The following FAM184A variants were observed in gnomAD, a reference collection of about 807,000 sequenced individuals.
FAM184A encodes the protein protein FAM184A.
A neutral mutation model predicts 143.8 loss-of-function variants in FAM184A; 99 were observed. The observed-to-expected ratio is 0.69, with a 90% CI of 0.58 to 0.81. The LOEUF is 0.81. Among genes scored for constraint, FAM184A ranks in the 40% least tolerant of loss-of-function variants. FAM184A has a pLI of 0.00. For missense variants in FAM184A, 1,217 were observed against 1,310.5 expected, an observed-to-expected ratio of 0.93 and a Z score of 1.10; for synonymous variants, 427 against 446.4, an observed-to-expected ratio of 0.96 and a Z score of 0.55.
chr6:119,131,217 C>A (rs1344076327), intron 1 of FAM184A, among the ~76,000 whole-genome samples: 1 of 152,102 alleles, frequency 6.6e-6, no homozygotes, highest in Non-Finnish European at 1.5e-5. Context: ...GGAAATGGCC[C>A]TTTACTTCCT....
intron 16 of FAM184A, chr6:118,962,259 G>T: frequency 5.8e-6 from 2 of 342,416 alleles, no homozygotes; most frequent in South Asian, 7.2e-5. Context: ...AAGGGGTAAA[G>T]AATACCCTTT....
intron 9 of FAM184A, among the ~76,000 whole-genome samples, chr6:118,992,788 G>A (rs1784419370): frequency 6.6e-6 from 1 of 152,100 alleles, no homozygotes; most frequent in Non-Finnish European, 1.5e-5. Flanking sequence ...AAAATTAGCT[G>A]GCATAGTGGC....
At chr6:119,064,268 A>G (rs1270214133) in intron 1 of FAM184A, among the ~76,000 whole-genome samples, 6 of 152,200 alleles carry the variant, frequency 3.9e-5, no homozygotes, top group Non-Finnish European at 7.3e-5. Flanking sequence ...TTCTCTTAAA[A>G]TGCAGTTCTT....
chr6:118,975,273 G>T, intron 12 of FAM184A, 65 bp from the exon 13 acceptor site: 3 of 1,182,610 alleles, frequency 2.5e-6, no homozygotes, highest in Non-Finnish European at 3.5e-6. Context: ...TTTATCTGCG[G>T]GAAAGAAAAT....
intron 1 of FAM184A, among the ~76,000 whole-genome samples, chr6:119,046,139 G>T (rs1380164680): frequency 1.3e-5 from 2 of 151,806 alleles, no homozygotes; most frequent in Admixed American, 1.3e-4. Flanking sequence ...TATAGGGAAT[G>T]AAATACAAAG....
chr6:119,072,438 T>TA (rs1332129621), intron 1 of FAM184A, among the ~76,000 whole-genome samples: 2 of 152,238 alleles, frequency 1.3e-5, no homozygotes, highest in Non-Finnish European at 2.9e-5. Context: ...TGAGGCCACT[T>TA]ACCATTCTTG....
At chr6:119,055,931 T>TC (rs112348881) in intron 1 of FAM184A, among the ~76,000 whole-genome samples, 9,475 of 152,114 alleles carry the variant, frequency 0.062, 445 homozygotes, top group African/African-American at 0.13. Flanking sequence ...ATATCTCTGC[T>TC]CCCCATCTTG....
intron 1 of FAM184A, among the ~76,000 whole-genome samples, chr6:119,045,950 G>T (rs1399319959): frequency 6.6e-6 from 1 of 152,044 alleles, no homozygotes; most frequent in Non-Finnish European, 1.5e-5. Context: ...TGATGCTTAG[G>T]AAAAGTATAT....
intron 1 of FAM184A, among the ~76,000 whole-genome samples, chr6:119,029,020 G>A (rs1785770634): frequency 6.6e-6 from 1 of 152,152 alleles, no homozygotes; most frequent in Non-Finnish European, 1.5e-5. Flanking sequence ...AGGAAAACCT[G>A]TTTTTTCCTA....
chr6:119,039,425 G>A (rs1786235407), intron 1 of FAM184A, among the ~76,000 whole-genome samples: 1 of 152,148 alleles, frequency 6.6e-6, no homozygotes, highest in Non-Finnish European at 1.5e-5. Flanking sequence ...TCCAGACGAT[G>A]GAATATTATT....
Position 118,994,685 on chromosome 6 carries a change from C to CAAAATAAATAAA in FAM184A, c.2088+8213_2088+8214insTTTATTTATTTT, listed in dbSNP as rs1216975902. 1.6e-4 allele frequency among the ~76,000 whole-genome samples: 22 copies of CAAAATAAATAAA among 137,680 alleles called. 1 individual carries two copies. Among genetic ancestry groups the CAAAATAAATAAA allele is most frequent in the African/African-American group, 4.4e-4 (16 of 36,732 alleles). The allele number at this position is 137,680 out of a possible 152,430, so 90.3% of individuals were successfully genotyped here. A position where few individuals can be genotyped will look rare whatever the true frequency, so the allele number is the denominator to read the frequency against. On this transcript the variant is annotated intron_variant, in intron 9 of 17. Transcript: ENST00000338891. ...TGGGCAACAGAGCGAGACTCCATCT[C>CAAAATAAATAAA]TAAATAAATAAATAAATAAATAAAT...
At chr6:118,970,098 G>C (rs1446451361) in intron 14 of FAM184A, among the ~76,000 whole-genome samples, 1 of 144,330 alleles carries the variant, frequency 6.9e-6, no homozygotes, top group Non-Finnish European at 1.5e-5. Flanking sequence ...CCACCTCCCG[G>C]GTCCAGGCGA....
At chr6:118,990,720 CA>C (rs112192720) in intron 9 of FAM184A, among the ~76,000 whole-genome samples, 1,387 of 129,534 alleles carry the variant, frequency 0.011, 6 homozygotes, top group Non-Finnish European at 0.011. Context: ...ACAAAAAATA[CA>C]AAAAAAAAAA....
intron 1 of FAM184A, among the ~76,000 whole-genome samples, chr6:119,096,308 A>G (rs1012812728): frequency 6.6e-6 from 1 of 152,202 alleles, no homozygotes; most frequent in African/African-American, 2.4e-5. Flanking sequence ...TACTGCTTTG[A>G]AAGGAGTACT....
chr6:119,089,214 A>ATTTT (rs1209944480), intron 1 of FAM184A, among the ~76,000 whole-genome samples: 5 of 110,476 alleles, frequency 4.5e-5, no homozygotes, highest in African/African-American at 1.7e-4. Context: ...TTATTTTTTT[A>ATTTT]TTTTTTTGAG....
chr6:119,070,127 T>C (rs1787628377), intron 1 of FAM184A, among the ~76,000 whole-genome samples: 2 of 152,310 alleles, frequency 1.3e-5, no homozygotes, highest in Admixed American at 1.3e-4. Context: ...CCATGTACTA[T>C]AGATCCTTTG....
intron 14 of FAM184A, among the ~76,000 whole-genome samples, chr6:118,971,419 A>C (rs1783692791): frequency 6.6e-6 from 1 of 152,170 alleles, no homozygotes; most frequent in Non-Finnish European, 1.5e-5. Context: ...TCTTTTGTGA[A>C]ATAAACCTAA....
Position 118,961,768 on chromosome 6 carries a change from A to T in FAM184A, c.3334T>A (p.Phe1112Ile). 1 of 1,612,844 alleles carries T rather than the reference A, an allele frequency of 6.2e-7. No homozygotes were observed. Among genetic ancestry groups the T allele is most frequent in the Non-Finnish European group, 8.5e-7 (1 of 1,179,036 alleles). ...TGGTGAGACGGGTCTCACCTCAAAA[A>T]TGTCTTGGGCCCTTTAGGTGGCACT... is the stretch of plus-strand genomic sequence containing the variant. ...QPVPPKGPKTFLSPAQSEASP... is the reference protein window; with the variant it reads ...QPVPPKGPKTILSPAQSEASP... The change falls in exon 17 of 18, where the codon TTT becomes ATT. Residue 1112 changes from phenylalanine (F) to isoleucine (I), a missense_variant. Transcript: ENST00000338891.
At chr6:119,053,351 C>T (rs1316635294) in intron 1 of FAM184A, among the ~76,000 whole-genome samples, 2 of 152,186 alleles carry the variant, frequency 1.3e-5, no homozygotes, top group Non-Finnish European at 2.9e-5. Flanking sequence ...CAGACAGTGA[C>T]CTGCTATTTC....
Sources: allele counts gnomAD v4.1 joint callset (sites outside exome capture counted in the v4.1 genomes callset), GRCh38; gene constraint gnomAD v4.1.1; transcripts MANE v1.5; gene names NCBI Gene and HGNC (gene_info 2026-07-23, HGNC 2026-07-21).